ZNF268: variants seen among roughly 807,000 people sequenced by gnomAD.
ZNF268 encodes zinc finger protein 3.
In ZNF268, 20 loss-of-function variants were observed where a neutral mutation model predicts 29.3. The ratio of observed to expected loss-of-function variants is 0.68; its 90% CI spans 0.48 to 0.99. The LOEUF (loss-of-function observed/expected upper bound fraction) is 0.99. Ranked by LOEUF, ZNF268 falls within the 50% of genes least tolerant of loss-of-function variation. The pLI is 0.00. For missense variants in ZNF268, 1,240 were observed against 1,121.6 expected, an observed-to-expected ratio of 1.11 and a Z score of -1.51; for synonymous variants, 429 against 376.9, an observed-to-expected ratio of 1.14 and a Z score of -1.60.
intron 2 of ZNF268, chr12:133,184,694 A>C (rs1192551005): frequency 1.1e-5 from 5 of 451,526 alleles, no homozygotes; most frequent in Non-Finnish European, 2.2e-5. Context: ...TCTGCTCACC[A>C]CAACGTCTGC....
At chr12:133,191,369 T>C in intron 3 of ZNF268, 120 bp from the exon 4 acceptor site, 1 of 1,105,814 alleles carries the variant, frequency 9.0e-7, no homozygotes, top group Non-Finnish European at 1.3e-6. Flanking sequence ...CATTGATGGA[T>C]GTTTTCAATA....
Position 133,203,420 on chromosome 12 carries a change from T to A in ZNF268, c.1734T>A (p.His578Gln). 6.5e-7 allele frequency: 1 copy of A among 1,544,410 alleles called. No homozygotes were observed. Among genetic ancestry groups the A allele is most frequent in the Non-Finnish European group, 8.7e-7 (1 of 1,149,516 alleles). Residue 578 changes from histidine to glutamine, a missense_variant, in exon 6 of 6, where the codon CAT becomes CAA. His to Gln is a conservative substitution (Grantham distance 24). Around this residue, in one of 3 missense-constraint regions of ZNF268, gnomAD observed 1,177 missense variants for 1,039.6 expected, o/e 1.13. Transcript: ENST00000536435. ...KYQLISHQRT[H>Q]AGEKPYECTD... ...AGCTTATTTCACACCAGAGAACTCA[T>A]GCAGGAGAGAAGCCTTATGAATGCA...
chr12:133,192,774 T>C (rs1956506605), intron 5 of ZNF268, among the ~76,000 whole-genome samples: 1 of 151,838 alleles, frequency 6.6e-6, no homozygotes, highest in South Asian at 2.1e-4. Flanking sequence ...GGTCTCCTGC[T>C]TCAGCCTTCC....
chr12:133,202,490 A>G lies in ZNF268; in HGVS notation c.804A>G (p.Gln268=), dbSNP rs567423426. Reference sequence around the variant, plus strand: ...AGAAATCGCAACTTATGTGCCAACAAATGTATATGGGCGAAAAACCCTTTG... The same window carrying G: ...AGAAATCGCAACTTATGTGCCAACAGATGTATATGGGCGAAAAACCCTTTG... ...VNKKSQLMCQ[Q]MYMGEKPFGC... Residue 268 remains glutamine (Q), a synonymous_variant, in exon 6 of 6, where the codon CAA becomes CAG. Transcript: ENST00000536435. 3 of 1,612,420 alleles carry G rather than the reference A, an allele frequency of 1.9e-6. No individual in the cohort carries two copies. The highest frequency in any genetic ancestry group is 1.3e-5 in the African/African-American group (1 of 75,016).
At position 133,212,587 on chromosome 12, in the gene ZNF268, T is replaced by C. The variant is rs1957005153; in HGVS notation, c.*8057T>C. 1 of 150,906 alleles carries C rather than the reference T, an allele frequency of 6.6e-6. No homozygotes were observed. The highest frequency in any genetic ancestry group is 1.5e-5 in the Non-Finnish European group (1 of 67,806). 9.3% of individuals were successfully genotyped at this position (150,906 alleles called of 1,614,324 possible). A position where few individuals can be genotyped will look rare whatever the true frequency, so the allele number is the denominator to read the frequency against. On this transcript the variant is annotated 3_prime_UTR_variant, in exon 6 of 6. Coordinates refer to ENST00000536435, the MANE Select transcript of ZNF268 (RefSeq NM_003415.3). Reference sequence around the variant, plus strand: ...TACACATATATATAATAAGAACATTTACCATTTTAACTATTTTTAAGTGTA... The same window carrying C: ...TACACATATATATAATAAGAACATTCACCATTTTAACTATTTTTAAGTGTA...
chr12:133,195,844 A>G (rs61960675), intron 5 of ZNF268, among the ~76,000 whole-genome samples: 27,565 of 151,418 alleles, frequency 0.18, 3,220 homozygotes, highest in Non-Finnish European at 0.26. Flanking sequence ...CCCCCTTCCA[A>G]GTAGCTGGGA....
chr12:133,197,545 A>G (rs1038602243), intron 5 of ZNF268, among the ~76,000 whole-genome samples: 39 of 152,126 alleles, frequency 2.6e-4, no homozygotes, highest in Non-Finnish European at 4.0e-4. Flanking sequence ...TCCTTTGGGT[A>G]TATACCCAGT....
intron 5 of ZNF268, among the ~76,000 whole-genome samples, chr12:133,196,966 T>G (rs1364742675): frequency 6.6e-6 from 1 of 151,982 alleles, no homozygotes; most frequent in Non-Finnish European, 1.5e-5. Flanking sequence ...CTTTCTTTTT[T>G]TTTTAATATT....
intron 2 of ZNF268, among the ~76,000 whole-genome samples, chr12:133,185,740 A>G (rs935004657): frequency 6.6e-6 from 1 of 152,066 alleles, no homozygotes; most frequent in African/African-American, 2.4e-5. Flanking sequence ...GCACAGAAAG[A>G]GGGGGAAGCC....
In ZNF268 at chr12:133,204,806, GGAACCAT is replaced by G. The variant is rs1956858628; in HGVS notation, c.*278_*284del. The G allele has an allele frequency of 9.1e-6, 3 of 329,192 alleles. No individual in the cohort carries two copies. The allele number at this position is 329,192 out of a possible 1,614,324, so 20.4% of individuals were successfully genotyped here. ...TTTTTTAAAAAGTTCATACAGGTGAGGAACCATGTTAAACGTTGTAAAGTCATTTTAC... is the reference window on the plus strand; with the variant it reads ...TTTTTTAAAAAGTTCATACAGGTGAGGTTAAACGTTGTAAAGTCATTTTAC... On this transcript the variant is annotated 3_prime_UTR_variant, in exon 6 of 6. Transcript: ENST00000536435.
rs1222306222 is a variant in ZNF268 at position 133,204,404 on chromosome 12, TCTC to T, written c.2719_2721del (p.Leu907del). 3.2e-6 allele frequency: 5 copies of T among 1,569,230 alleles called. No individual in the cohort carries two copies. The highest frequency in any genetic ancestry group is 4.3e-6 in the Non-Finnish European group (5 of 1,162,334). ...GGAAAACCTTCTCTCAAAAATCAAT[TCTC>T]AGTGCACATCAGAGAACACATACAG... On this transcript the variant is annotated inframe_deletion, in exon 6 of 6. Coordinates refer to ENST00000536435, the MANE Select transcript of ZNF268 (RefSeq NM_003415.3).
At chr12:133,185,005 G>A (rs1028104268) in intron 2 of ZNF268, among the ~76,000 whole-genome samples, 6 of 151,934 alleles carry the variant, frequency 3.9e-5, no homozygotes, top group African/African-American at 1.2e-4. Flanking sequence ...CCAACATGGC[G>A]AAACCTCGTC....
chr12:133,203,817 CTTA>C lies in ZNF268; in HGVS notation c.2136_2138del (p.Ile713del), dbSNP rs751623545. 67 of 1,563,078 alleles carry C rather than the reference CTTA, an allele frequency of 4.3e-5. No homozygotes were observed. Among genetic ancestry groups the C allele is most frequent in the Non-Finnish European group, 5.2e-5 (60 of 1,160,730 alleles). On this transcript the variant is annotated inframe_deletion, in exon 6 of 6. Transcript: ENST00000536435. ...GAAAGCCTTCAGGAGCAAGTCATAC[CTTA>C]TTATACATATGAGAACTCATACAGG...
In ZNF268 at chr12:133,203,189, A is replaced by T. The variant is rs1387356718; in HGVS notation, c.1503A>T (p.Val501=). 1.3e-6 allele frequency: 2 copies of T among 1,537,732 alleles called. No individual in the cohort carries two copies. The highest frequency in any genetic ancestry group is 1.7e-6 in the Non-Finnish European group (2 of 1,146,848). ...GTCACACAGGAATGAAACCTTATGT[A>T]TGCAATGAATGTGGCAAAGCCTTCA... is the stretch of plus-strand genomic sequence containing the variant. The part of the protein sequence containing the change: ...QRSHTGMKPY[V]CNECGKAFRS... Residue 501 remains valine, a synonymous_variant, in exon 6 of 6, where the codon GTA becomes GTT. Transcript: ENST00000536435.
intron 2 of ZNF268, among the ~76,000 whole-genome samples, chr12:133,183,866 G>A (rs1017959100): frequency 6.6e-6 from 1 of 152,064 alleles, no homozygotes; most frequent in African/African-American, 2.4e-5. Context: ...AGAAAAGTAA[G>A]ACAAAATAGA....
At position 133,191,512 on chromosome 12, in the gene ZNF268, G is replaced by C. The variant is rs1214151804; in HGVS notation, c.258G>C (p.Val86=). 2 of 1,614,052 alleles carry C rather than the reference G, an allele frequency of 1.2e-6. No individual in the cohort carries two copies. The highest frequency in any genetic ancestry group is 1.7e-6 in the Non-Finnish European group (2 of 1,179,976). Residue 86 remains valine, a synonymous_variant, in exon 4 of 6, where the codon GTG becomes GTC. Transcript: ENST00000536435. The stretch of plus-strand genomic sequence containing the variant: ...AGGGACCTTTGTCATTCATGGATGT[G>C]TTTGTGGATTTTACCTGGGAGGAGT... ...KSWGPLSFMD[V]FVDFTWEEWQ... is the part of the protein sequence containing the mutation.
At position 133,202,760 on chromosome 12, in the gene ZNF268, T is replaced by A; in HGVS notation, c.1074T>A (p.Asn358Lys). Residue 358 changes from asparagine (N) to lysine (K), a missense_variant, in exon 6 of 6, where the codon AAT becomes AAA. Asn to Lys is a moderately conservative substitution (Grantham distance 94, BLOSUM62 0). Around this residue, in one of 3 missense-constraint regions of ZNF268, gnomAD observed 1,177 missense variants for 1,039.6 expected, o/e 1.13. Transcript: ENST00000536435. ...ATCAGAGAATTCACACAGGTGAGAA[T>A]CCCTATGAGTGCTGTGAATGTGGGA... ...VIHQRIHTGE[N>K]PYECCECGKV... is the part of the protein sequence containing the mutation. 6.2e-7 allele frequency: 1 copy of A among 1,611,396 alleles called. No individual in the cohort carries two copies. Among genetic ancestry groups the A allele is most frequent in the Non-Finnish European group, 8.5e-7 (1 of 1,179,288 alleles).
chr12:133,187,896 A>G lies in ZNF268; in HGVS notation c.58A>G (p.Ser20Gly), dbSNP rs1157197394. ...IWVPPLQERNSSWDRIRKLQG... is the reference protein window; with the variant it reads ...IWVPPLQERNGSWDRIRKLQG... ...GGTCCCACCTCTCCAAGAACGAAAC[A>G]GTTCATGGGATAGGATCAGAAAGCT... Residue 20 changes from serine to glycine, a missense_variant, in exon 3 of 6, where the codon AGT becomes GGT. Around this residue, in one of 3 missense-constraint regions of ZNF268, gnomAD observed 51 missense variants for 51.4 expected, o/e 0.99. Coordinates refer to ENST00000536435, the MANE Select transcript of ZNF268 (RefSeq NM_003415.3). 1 of 1,598,500 alleles carries G rather than the reference A, an allele frequency of 6.3e-7. No individual in the cohort carries two copies. The highest frequency in any genetic ancestry group is 8.5e-7 in the Non-Finnish European group (1 of 1,172,354).
In ZNF268 at chr12:133,209,487, TC is replaced by T. The variant is rs1956949721; in HGVS notation, c.*4958del. 1 of 152,214 alleles carries T rather than the reference TC, an allele frequency of 6.6e-6. No individual in the cohort carries two copies. The highest frequency in any genetic ancestry group is 2.4e-5 in the African/African-American group (1 of 41,440). 9.4% of individuals were successfully genotyped at this position (152,214 alleles called of 1,614,324 possible). A position where few individuals can be genotyped will look rare whatever the true frequency, so the allele number is the denominator to read the frequency against. On this transcript the variant is annotated 3_prime_UTR_variant, in exon 6 of 6. Transcript: ENST00000536435. Reference sequence around the variant, plus strand: ...AAGTTGCAAGTTTTAACATGTCTACTCTTTAATTTTCAACATTGTTTCAACT... The same window carrying T: ...AAGTTGCAAGTTTTAACATGTCTACTTTTAATTTTCAACATTGTTTCAACT...
Sources: allele counts gnomAD v4.1 joint callset (sites outside exome capture counted in the v4.1 genomes callset), GRCh38; gene constraint gnomAD v4.1.1; regional missense constraint gnomAD v4.1.1; transcripts MANE v1.5; gene names NCBI Gene and HGNC (gene_info 2026-07-23, HGNC 2026-07-21).